The following PTPRD variants were observed in gnomAD, a reference collection of about 807,000 sequenced individuals.
PTPRD encodes the protein receptor-type tyrosine-protein phosphatase delta.
In PTPRD, 34 loss-of-function variants were observed where a neutral mutation model predicts 214.5. The observed-to-expected ratio is 0.16, with a 90% confidence interval of 0.12 to 0.21. The LOEUF (loss-of-function observed/expected upper bound fraction) is 0.21, where lower values mean the gene tolerates loss of function less well. Among genes scored for constraint, PTPRD ranks in the 10% least tolerant of loss-of-function variants. The probability of loss-of-function intolerance (pLI) is 1.00; values close to 1 mark genes in which losing one functional copy is unlikely to be tolerated. For missense variants in PTPRD, 2,545 were observed against 2,398.7 expected (o/e 1.06, Z -1.27); for synonymous variants, 1,128 against 845.7 (o/e 1.33, Z -5.79).
intron 17 of PTPRD, 47 bp downstream of exon 17, chr9:8,526,580 A>C (rs2074223714): frequency 6.6e-7 from 1 of 1,507,458 alleles, no homozygotes; most frequent in African/African-American, 1.4e-5. Flanking sequence ...GAAAGGACAG[A>C]AAGAATGAGT....
At chr9:8,917,535 GAGC>G (rs1399045753) in intron 11 of PTPRD, among the ~76,000 whole-genome samples, 1 of 152,058 alleles carries the variant, frequency 6.6e-6, no homozygotes, top group African/African-American at 2.4e-5. Flanking sequence ...AGGAAACTCA[GAGC>G]ACGGTTTGTC....
intron 7 of PTPRD, among the ~76,000 whole-genome samples, chr9:9,619,988 G>A (rs2095146183): frequency 6.6e-6 from 1 of 151,574 alleles, no homozygotes; most frequent in Non-Finnish European, 1.5e-5. Context: ...AAGAGAGAGA[G>A]AAAGAGAGAA....
At chr9:9,160,979 CA>C (rs2099887303) in intron 10 of PTPRD, among the ~76,000 whole-genome samples, 1 of 152,036 alleles carries the variant, frequency 6.6e-6, no homozygotes, top group Non-Finnish European at 1.5e-5. Context: ...CAGAATCTAA[CA>C]AATTTGATCT....
intron 10 of PTPRD, among the ~76,000 whole-genome samples, chr9:9,144,492 G>T (rs1169013516): frequency 3.3e-5 from 5 of 152,176 alleles, no homozygotes; most frequent in Non-Finnish European, 7.3e-5. Context: ...GGTGACCCAT[G>T]CCTGTAATCC....
chr9:9,261,973 A>G (rs1393489212), intron 9 of PTPRD, among the ~76,000 whole-genome samples: 2 of 151,744 alleles, frequency 1.3e-5, no homozygotes, highest in Non-Finnish European at 2.9e-5. Flanking sequence ...ATCATATACT[A>G]AAGGAGGAGG....
intron 11 of PTPRD, among the ~76,000 whole-genome samples, chr9:8,883,670 T>C (rs1344519218): frequency 6.6e-6 from 1 of 152,178 alleles, no homozygotes; most frequent in African/African-American, 2.4e-5. Flanking sequence ...GCTTTCCTCT[T>C]TCTCCCCTGT....
chr9:9,809,306 C>G (rs1458499031), intron 5 of PTPRD, among the ~76,000 whole-genome samples: 2 of 137,812 alleles, frequency 1.5e-5, no homozygotes, highest in Non-Finnish European at 3.0e-5. Flanking sequence ...CTCACTCTGT[C>G]TCCCAAACTG....
intron 7 of PTPRD, among the ~76,000 whole-genome samples, chr9:9,727,998 A>T (rs896579732): frequency 8.5e-5 from 13 of 152,126 alleles, no homozygotes; most frequent in African/African-American, 3.1e-4. Flanking sequence ...ACCCATGGGG[A>T]GGCAATTGAA....
intron 11 of PTPRD, among the ~76,000 whole-genome samples, chr9:8,757,855 A>G (rs765804982): frequency 1.3e-5 from 2 of 152,148 alleles, no homozygotes; most frequent in Non-Finnish European, 2.9e-5. Context: ...TTTGACCTGT[A>G]TGGCATGAGA....
At chr9:8,604,598 G>A (rs2095089387) in intron 14 of PTPRD, among the ~76,000 whole-genome samples, 1 of 152,140 alleles carries the variant, frequency 6.6e-6, no homozygotes, top group Admixed American at 6.5e-5. Flanking sequence ...AGGAACAGAT[G>A]CCAAAACCCT....
At chr9:10,290,838 A>T (rs1176424256) in intron 3 of PTPRD, among the ~76,000 whole-genome samples, 1 of 152,104 alleles carries the variant, frequency 6.6e-6, no homozygotes, top group Admixed American at 6.6e-5. Flanking sequence ...ATAATTAAAT[A>T]AAAATATTTC....
At chr9:10,361,094 T>C (rs7847638) in intron 2 of PTPRD, among the ~76,000 whole-genome samples, 31,905 of 152,122 alleles carry the variant, frequency 0.21, 3,444 homozygotes, top group Middle Eastern at 0.28. Flanking sequence ...AGCGAGACTC[T>C]GTCTCAAAAA....
At chr9:9,443,897 G>C (rs918146334) in intron 8 of PTPRD, among the ~76,000 whole-genome samples, 4 of 152,302 alleles carry the variant, frequency 2.6e-5, no homozygotes, top group African/African-American at 7.2e-5. Context: ...TTGAAAGCAA[G>C]ACTGAAACAT....
chr9:10,382,504 G>A (rs1030284545), intron 2 of PTPRD, among the ~76,000 whole-genome samples: 29 of 151,870 alleles, frequency 1.9e-4, no homozygotes, highest in African/African-American at 6.8e-4. Context: ...AATACAATCT[G>A]AATTGAGTAT....
chr9:8,821,983 G>A (rs1197933374), intron 11 of PTPRD, among the ~76,000 whole-genome samples: 1 of 152,150 alleles, frequency 6.6e-6, no homozygotes, highest in Non-Finnish European at 1.5e-5. Flanking sequence ...TCTTTAACAA[G>A]GCAAAAGTCT....
intron 9 of PTPRD, among the ~76,000 whole-genome samples, chr9:9,297,277 A>G (rs1953437172): frequency 6.6e-6 from 1 of 151,628 alleles, no homozygotes; most frequent in African/African-American, 2.4e-5. Flanking sequence ...AATTGTTTCT[A>G]TTTTTCTGCA....
chr9:8,328,279 C>T (rs940548773), intron 44 of PTPRD, among the ~76,000 whole-genome samples: 2 of 152,152 alleles, frequency 1.3e-5, no homozygotes, highest in African/African-American at 4.8e-5. Flanking sequence ...ACTTATGAAG[C>T]TTAGTTTGGC....
chr9:9,565,862 A>AT (rs1291243396), intron 8 of PTPRD, among the ~76,000 whole-genome samples: 1 of 151,986 alleles, frequency 6.6e-6, no homozygotes, highest in Admixed American at 6.6e-5. Context: ...GAGAAATGAG[A>AT]TAAATGAAAA....
At chr9:8,725,350 C>T (rs1485502937) in intron 12 of PTPRD, among the ~76,000 whole-genome samples, 2 of 152,084 alleles carry the variant, frequency 1.3e-5, no homozygotes, top group East Asian at 1.9e-4. Flanking sequence ...GATCATATTG[C>T]TTTTAATCCA....
Sources: gnomAD v4.1 joint callset for allele counts (sites outside exome capture counted in the v4.1 genomes callset) on GRCh38, gnomAD v4.1.1 for gene constraint, MANE v1.5 for transcripts, NCBI Gene and HGNC (gene_info 2026-07-23, HGNC 2026-07-21) for gene names.